Variants in GLMN observed in about 807,000 individuals in gnomAD.
The protein encoded by GLMN is glomulin, FKBP associated protein.
Under a neutral mutation model 87.8 loss-of-function variants are expected in GLMN, and 75 were observed. That is an observed-to-expected ratio of 0.85 (90% CI 0.71 to 1.04). The LOEUF (loss-of-function observed/expected upper bound fraction) is 1.04, where lower values mean the gene tolerates loss of function less well. GLMN is among the 50% of genes least tolerant of loss of function. The probability of loss-of-function intolerance (pLI) is 0.00; values close to 1 mark genes in which losing one functional copy is unlikely to be tolerated. For synonymous variants in GLMN, 206 were observed against 221.6 expected, an observed-to-expected ratio of 0.93 and a Z score of 0.63; for missense variants, 588 against 658.8, an observed-to-expected ratio of 0.89 and a Z score of 1.18.
At chr1:92,247,461 A>G (rs1017044700) in intron 17 of GLMN, among the ~76,000 whole-genome samples, 9 of 152,218 alleles carry the variant, frequency 5.9e-5, no homozygotes, top group African/African-American at 2.2e-4. Context: ...TAATGCCTAT[A>G]AAAGCACCAC....
At chr1:92,254,384 C>T (rs1469742283) in intron 16 of GLMN, among the ~76,000 whole-genome samples, 1 of 152,184 alleles carries the variant, frequency 6.6e-6, no homozygotes, top group Non-Finnish European at 1.5e-5. Flanking sequence ...CCTAGGAAGA[C>T]AGGCCAACAG....
At chr1:92,323,075 T>TTA in the GLMN span, among the ~76,000 whole-genome samples, 339 of 144,818 alleles carry the variant, frequency 2.3e-3, no homozygotes, top group African/African-American at 7.6e-3. Flanking sequence ...ATATATATAT[T>TTA]TATATATATA....
intron 7 of GLMN, among the ~76,000 whole-genome samples, chr1:92,281,357 C>A (rs1005292591): frequency 6.6e-6 from 1 of 152,150 alleles, no homozygotes; most frequent in Non-Finnish European, 1.5e-5. Context: ...AATTTCATAT[C>A]CAGCCAAACT....
chr1:92,283,736 A>C (rs1337403402), intron 7 of GLMN, among the ~76,000 whole-genome samples: 1 of 152,234 alleles, frequency 6.6e-6, no homozygotes, highest in Non-Finnish European at 1.5e-5. Context: ...GTCTCAGCCC[A>C]AAATCTCCTT....
intron 3 of GLMN, among the ~76,000 whole-genome samples, chr1:92,292,732 C>CTTT (rs1177905555): frequency 1.7e-5 from 2 of 119,680 alleles, no homozygotes; most frequent in East Asian, 2.9e-4. Context: ...CTTTTCTTTT[C>CTTT]TTTTTTTTTT....
chr1:92,336,463 T>C, the GLMN span: 1 of 1,409,448 alleles, frequency 7.1e-7, no homozygotes, highest in Non-Finnish European at 1.0e-6. Flanking sequence ...TTCTCAATTA[T>C]TTTGACTTTA....
intron 13 of GLMN, among the ~76,000 whole-genome samples, chr1:92,265,333 A>AC (rs34392135): frequency 0.47 from 71,254 of 150,884 alleles, 17,830 homozygotes; most frequent in East Asian, 0.96. Context: ...CAAAAAAAAA[A>AC]AAAAAACTAG....
chr1:92,293,481 A>ATT (rs951301127), intron 3 of GLMN, among the ~76,000 whole-genome samples: 1 of 146,910 alleles, frequency 6.8e-6, no homozygotes, highest in Non-Finnish European at 1.5e-5. Context: ...AATTTTTTGT[A>ATT]TTTTTTTTTT....
upstream of GLMN, among the ~76,000 whole-genome samples, chr1:92,300,441 C>CA (rs1379562587): frequency 6.6e-6 from 1 of 152,108 alleles, no homozygotes; most frequent in Non-Finnish European, 1.5e-5. Flanking sequence ...CCAAACTAAG[C>CA]ACTCAGACTG....
At chr1:92,321,305 A>G in the GLMN span, among the ~76,000 whole-genome samples, 1 of 152,150 alleles carries the variant, frequency 6.6e-6, no homozygotes, top group African/African-American at 2.4e-5. Flanking sequence ...AAATTGTTCT[A>G]ATTTTTTTGA....
chr1:92,266,972 A>G (rs1332989785), intron 11 of GLMN, among the ~76,000 whole-genome samples: 1 of 152,232 alleles, frequency 6.6e-6, no homozygotes, highest in African/African-American at 2.4e-5. Context: ...AAAGCAAACG[A>G]TAATTTTCAA....
At chr1:92,340,611 G>A in the GLMN span, among the ~76,000 whole-genome samples, 32 of 152,264 alleles carry the variant, frequency 2.1e-4, no homozygotes, top group Non-Finnish European at 4.0e-4. Context: ...AGTTTCATTC[G>A]GCTAGGGTTG....
rs1352610755 is a variant in GLMN at position 92,247,937 on chromosome 1, A to G, written c.1526T>C (p.Leu509Pro). The change falls in exon 17 of 19, where the codon CTT (leucine) becomes CCT (proline). Residue 509 changes from leucine to proline, a missense_variant. Physicochemically the swap from Leu to Pro is moderately conservative, Grantham distance 98. Transcript: ENST00000370360. The stretch of plus-strand genomic sequence containing the variant: ...TTTTGACATATTAAGTCCTATATGA[A>G]GTGGCTTTAAGAAATTATTCTCAAT... ...GNIENNFLKP[L>P]HIGLNMSKAH... 2 of 1,425,794 alleles carry G rather than the reference A, an allele frequency of 1.4e-6. No homozygotes were observed. Among genetic ancestry groups the G allele is most frequent in the East Asian group, 2.3e-5 (1 of 43,878 alleles). The allele number at this position is 1,425,794 out of a possible 1,614,324, so 88.3% of individuals were successfully genotyped here. A position where few individuals can be genotyped will look rare whatever the true frequency, so the allele number is the denominator to read the frequency against.
the GLMN span, among the ~76,000 whole-genome samples, chr1:92,355,546 T>C: frequency 2.0e-5 from 3 of 152,204 alleles, no homozygotes; most frequent in South Asian, 6.2e-4. Flanking sequence ...GTTAGGTATC[T>C]CCATCATAAG....
At chr1:92,333,422 G>T in the GLMN span, 2 of 1,613,596 alleles carry the variant, frequency 1.2e-6, no homozygotes, top group African/African-American at 2.7e-5. Context: ...ATAGACTCAA[G>T]TTCCCAGAAC....
At position 92,298,767 on chromosome 1, in the gene GLMN, C is replaced by A. The variant is rs546671188; in HGVS notation, c.-31+158G>T. ...GTGAACACCCCAGCGCGCGTGCGGG[C>A]TGCATCAGAGGAAGCCATGTCTTCC... On this transcript the variant is annotated intron_variant, in intron 1 of 18. Coordinates refer to ENST00000370360, the MANE Select transcript of GLMN (RefSeq NM_053274.3). 3.9e-5 allele frequency among the ~76,000 whole-genome samples: 6 copies of A among 152,214 alleles called. 1 individual carries two copies. The South Asian group carries it at 6.2e-4, about 16-fold the overall frequency.
chr1:92,324,446 G>A, the GLMN span: 4 of 1,157,228 alleles, frequency 3.5e-6, no homozygotes, highest in South Asian at 2.9e-5. Context: ...AAATCTTGGA[G>A]CAGGAAGGAT....
the GLMN span, among the ~76,000 whole-genome samples, chr1:92,366,618 A>G: frequency 3.3e-5 from 5 of 152,314 alleles, no homozygotes; most frequent in Admixed American, 2.0e-4. Flanking sequence ...CTTTTCCTCA[A>G]TAACAAACAA....
At chr1:92,308,037 T>C in the GLMN span, among the ~76,000 whole-genome samples, 3 of 150,886 alleles carry the variant, frequency 2.0e-5, no homozygotes, top group Non-Finnish European at 4.4e-5. Context: ...ACTAATGACC[T>C]AAACATAATG....
Sources: gnomAD v4.1 joint callset for allele counts (sites outside exome capture counted in the v4.1 genomes callset) on GRCh38, gnomAD v4.1.1 for gene constraint, MANE v1.5 for transcripts, NCBI Gene and HGNC (gene_info 2026-07-23, HGNC 2026-07-21) for gene names.